Variants in WWP1 observed in about 807,000 individuals in gnomAD.
The protein encoded by WWP1 is NEDD4-like E3 ubiquitin-protein ligase WWP1.
WWP1 carries 49 observed loss-of-function variants against 130.6 expected under a neutral mutation model. That is an observed-to-expected ratio of 0.38 (90% confidence interval 0.30 to 0.48). The LOEUF (loss-of-function observed/expected upper bound fraction) is 0.48, where lower values mean the gene tolerates loss of function less well. Among genes scored for constraint, WWP1 ranks in the 20% least tolerant of loss-of-function variants. The pLI is 0.99. For missense variants in WWP1, 809 were observed against 1,100.6 expected, an observed-to-expected ratio of 0.74 and a Z score of 3.75; for synonymous variants, 332 against 367.8, an observed-to-expected ratio of 0.90 and a Z score of 1.11.
intron 17 of WWP1, among the ~76,000 whole-genome samples, chr8:86,439,342 C>CAAAAA (rs59635746): frequency 2.4e-5 from 3 of 127,054 alleles, no homozygotes; most frequent in Non-Finnish European, 1.6e-5. Flanking sequence ...GACGCTGTGT[C>CAAAAA]AAAAAAAAAA....
chr8:86,459,796 T>C (rs1202043983), intron 22 of WWP1, among the ~76,000 whole-genome samples: 2 of 152,240 alleles, frequency 1.3e-5, no homozygotes, highest in Non-Finnish European at 2.9e-5. Context: ...TGTACCTACA[T>C]AGCTAATGAG....
chr8:86,369,834 A>T (rs1824182336), intron 2 of WWP1, among the ~76,000 whole-genome samples: 1 of 152,134 alleles, frequency 6.6e-6, no homozygotes, highest in Admixed American at 6.5e-5. Flanking sequence ...AGGCCCCAGT[A>T]ATTACACTTG....
intron 1 of WWP1, among the ~76,000 whole-genome samples, chr8:86,368,337 T>C (rs1353931753): frequency 1.3e-5 from 2 of 152,194 alleles, no homozygotes; most frequent in Admixed American, 1.3e-4. Context: ...CTTACTCTTC[T>C]CTCTATCCTG....
intron 21 of WWP1, 145 bp from the exon 22 acceptor site, chr8:86,457,776 A>G: frequency 1.8e-6 from 1 of 570,920 alleles, no homozygotes; most frequent in East Asian, 3.1e-5. Context: ...GTTTTGTTAT[A>G]TTTGCTTATT....
intron 9 of WWP1, among the ~76,000 whole-genome samples, 157 bp from the exon 10 acceptor site, chr8:86,425,066 G>A (rs896893085): frequency 6.6e-6 from 1 of 151,606 alleles, no homozygotes; most frequent in African/African-American, 2.4e-5. Context: ...GAACACTTCT[G>A]TATATATATA....
chr8:86,399,724 G>A (rs965605605), intron 7 of WWP1, among the ~76,000 whole-genome samples: 11 of 152,106 alleles, frequency 7.2e-5, no homozygotes, highest in African/African-American at 1.2e-4. Context: ...ATAGTAAGAC[G>A]CTTTGAATTA....
chr8:86,434,989 C>T (rs567305625), intron 14 of WWP1, among the ~76,000 whole-genome samples: 3 of 152,290 alleles, frequency 2.0e-5, no homozygotes, highest in Admixed American at 1.3e-4. Context: ...TCACTGACCA[C>T]GTGAACCGTG....
chr8:86,459,309 T>G (rs929009499), intron 22 of WWP1, among the ~76,000 whole-genome samples: 1 of 152,154 alleles, frequency 6.6e-6, no homozygotes, highest in Non-Finnish European at 1.5e-5. Context: ...GTGCTGGGAT[T>G]GCAGGTATGA....
chr8:86,405,105 T>G (rs1241578398), intron 8 of WWP1: 1 of 152,218 alleles, frequency 6.6e-6, no homozygotes, highest in Admixed American at 6.5e-5. Flanking sequence ...CATCACTTAA[T>G]AAAGGATGAA....
chr8:86,438,417 A>G (rs961178280), intron 16 of WWP1, among the ~76,000 whole-genome samples, 168 bp from the exon 17 acceptor site: 1 of 152,210 alleles, frequency 6.6e-6, no homozygotes, highest in Non-Finnish European at 1.5e-5. Context: ...ATTGATATGT[A>G]TGTCTTCATC....
At chr8:86,462,378 C>T (rs1035600589) in intron 24 of WWP1, among the ~76,000 whole-genome samples, 13 of 151,940 alleles carry the variant, frequency 8.6e-5, no homozygotes, top group East Asian at 5.8e-4. Context: ...ACAAAGACCC[C>T]GAAGAAATTG....
At chr8:86,372,113 T>G (rs1824344977) in intron 2 of WWP1, among the ~76,000 whole-genome samples, 1 of 133,040 alleles carries the variant, frequency 7.5e-6, no homozygotes, top group Non-Finnish European at 1.5e-5. Context: ...AAGCTCCGCC[T>G]CCCGGGTTCA....
At chr8:86,452,042 C>T (rs1315028329) in intron 20 of WWP1, among the ~76,000 whole-genome samples, 2 of 152,180 alleles carry the variant, frequency 1.3e-5, no homozygotes, top group Non-Finnish European at 2.9e-5. Context: ...TAAACCTACA[C>T]CAGCACATGG....
intron 5 of WWP1, among the ~76,000 whole-genome samples, chr8:86,388,540 T>TA (rs904321767): frequency 6.6e-6 from 1 of 152,228 alleles, no homozygotes; most frequent in Non-Finnish European, 1.5e-5. Flanking sequence ...CACTTTTTGA[T>TA]ATAATCTAAT....
intron 3 of WWP1, among the ~76,000 whole-genome samples, chr8:86,380,284 G>A (rs2130358784): frequency 6.6e-6 from 1 of 152,206 alleles, no homozygotes; most frequent in East Asian, 1.9e-4. Flanking sequence ...CCATCTATAT[G>A]AAATGTCCAG....
chr8:86,370,597 C>CAATCATGG (rs1384006651), intron 2 of WWP1, among the ~76,000 whole-genome samples: 6 of 152,026 alleles, frequency 3.9e-5, no homozygotes, highest in Non-Finnish European at 5.9e-5. Context: ...ATTTCTTTTT[C>CAATCATGG]AATCATGGAA....
intron 7 of WWP1, among the ~76,000 whole-genome samples, chr8:86,399,282 T>G (rs1348054064): frequency 6.6e-6 from 1 of 152,232 alleles, no homozygotes; most frequent in African/African-American, 2.4e-5. Context: ...TCACAGATTG[T>G]GGCCTTCCTT....
chr8:86,420,751 C>G (rs1220341097), intron 9 of WWP1, among the ~76,000 whole-genome samples: 1 of 152,054 alleles, frequency 6.6e-6, no homozygotes, highest in East Asian at 1.9e-4. Context: ...GACTGTATGA[C>G]TCTGTTTATG....
intron 1 of WWP1, among the ~76,000 whole-genome samples, chr8:86,367,586 C>G (rs1259733697): frequency 6.6e-6 from 1 of 152,122 alleles, no homozygotes; most frequent in Non-Finnish European, 1.5e-5. Flanking sequence ...AACCTTTATA[C>G]AATTCTGTGG....
Sources: gnomAD v4.1 joint callset for allele counts (sites outside exome capture counted in the v4.1 genomes callset) on GRCh38, gnomAD v4.1.1 for gene constraint, MANE v1.5 for transcripts, NCBI Gene and HGNC (gene_info 2026-07-23, HGNC 2026-07-21) for gene names.